PIP5K1A: variants seen among roughly 807,000 people sequenced by gnomAD.
PIP5K1A encodes the protein phosphatidylinositol-4-phosphate 5-kinase type 1 alpha.
A neutral mutation model predicts 72.9 loss-of-function variants in PIP5K1A; 46 were observed. The observed-to-expected ratio is 0.63, with a 90% CI of 0.50 to 0.81. PIP5K1A has a LOEUF of 0.81. Ranked by LOEUF, PIP5K1A falls within the 30% of genes least tolerant of loss-of-function variation. The pLI, the probability that PIP5K1A is intolerant of heterozygous loss-of-function variation, is 0.00. For missense variants in PIP5K1A, 458 were observed against 706.1 expected (o/e 0.65, Z 3.98); for synonymous variants, 228 against 255.1 (o/e 0.89, Z 1.01).
At chr1:151,216,403 T>A (rs587713966) in intron 1 of PIP5K1A, among the ~76,000 whole-genome samples, 4 of 152,150 alleles carry the variant, frequency 2.6e-5, no homozygotes, top group Admixed American at 6.6e-5. Flanking sequence ...TTCATGGTCT[T>A]CTTCTAAGAA....
chr1:151,240,082 G>A, intron 12 of PIP5K1A, 43 bp downstream of exon 12: 1 of 1,397,048 alleles, frequency 7.2e-7, no homozygotes, highest in Admixed American at 1.7e-5. Context: ...CTGCCCAGTG[G>A]CTCCCTTACC....
At chr1:151,235,628 G>A (rs1414238355) in intron 8 of PIP5K1A, among the ~76,000 whole-genome samples, 1 of 152,190 alleles carries the variant, frequency 6.6e-6, no homozygotes, top group African/African-American at 2.4e-5. Context: ...CCACAGATCT[G>A]TTCTGTCACA....
intron 1 of PIP5K1A, among the ~76,000 whole-genome samples, chr1:151,223,277 G>T (rs1570881828): frequency 6.7e-6 from 1 of 150,368 alleles, no homozygotes. Flanking sequence ...CTTGAACTGG[G>T]AGAAGGACGT....
At position 151,234,475 on chromosome 1, in the gene PIP5K1A, G is replaced by A. The variant is rs1690567368; in HGVS notation, c.918G>A (p.Lys306=). The A allele has an allele frequency of 6.2e-7, 1 of 1,614,014 alleles. No individual in the cohort carries two copies. The highest frequency in any genetic ancestry group is 8.5e-7 in the Non-Finnish European group (1 of 1,179,918). ...LDADMYNALC[K]TLQRDCLVLQ... ...CTGACATGTACAACGCTCTCTGTAA[G>A]ACCCTGCAGCGTGACTGTTTGGTGA... The change falls in exon 8 of 16, where the codon AAG becomes AAA. Residue 306 remains lysine, a synonymous_variant. Transcript: ENST00000368888.
intron 4 of PIP5K1A, among the ~76,000 whole-genome samples, chr1:151,227,722 C>CTAAAAGTT (rs1553297355): frequency 2.0e-5 from 3 of 152,070 alleles, no homozygotes; most frequent in Non-Finnish European, 2.9e-5. Context: ...GAAACTCTGT[C>CTAAAAGTT]TCTACTAAAA....
At chr1:151,201,129 C>T (rs1288496460) in intron 1 of PIP5K1A, among the ~76,000 whole-genome samples, 1 of 152,140 alleles carries the variant, frequency 6.6e-6, no homozygotes, top group Admixed American at 6.5e-5. Flanking sequence ...CCACCGTGCC[C>T]CACCTGGGTT....
At chr1:151,203,003 A>T (rs1487618936) in intron 1 of PIP5K1A, among the ~76,000 whole-genome samples, 2 of 152,096 alleles carry the variant, frequency 1.3e-5, no homozygotes, top group Non-Finnish European at 2.9e-5. Flanking sequence ...TCCTGACCTC[A>T]GGTGATCCTC....
upstream of PIP5K1A, chr1:151,198,516 A>T (rs1684747081): frequency 5.1e-6 from 1 of 195,816 alleles, no homozygotes; most frequent in African/African-American, 2.4e-5. Flanking sequence ...GAGTGGGCTG[A>T]TGCCCCGAGA....
chr1:151,205,479 C>T (rs1226140410), intron 1 of PIP5K1A, among the ~76,000 whole-genome samples: 1 of 151,868 alleles, frequency 6.6e-6, no homozygotes, highest in Non-Finnish European at 1.5e-5. Flanking sequence ...CGGCCTCTCT[C>T]CTAGAATTTT....
chr1:151,234,114 G>C lies in PIP5K1A; in HGVS notation c.640-83G>C. 4 of 970,168 alleles carry C rather than the reference G, an allele frequency of 4.1e-6. No individual in the cohort carries two copies. The East Asian group carries it at 9.6e-5, about 23-fold the overall frequency. The allele number at this position is 970,168 out of a possible 1,614,324, so 60.1% of individuals were successfully genotyped here. On this transcript the variant is annotated intron_variant, in intron 7 of 15. Coordinates refer to ENST00000368888, the MANE Select transcript of PIP5K1A (RefSeq NM_001135638.2). ...AATCTCATATAGGAGATAAAGGGAG[G>C]ATGGGTGGTAACTTTTACTGGTGAG... is the stretch of plus-strand genomic sequence containing the variant.
At chr1:151,208,528 T>C (rs1180254362) in intron 1 of PIP5K1A, among the ~76,000 whole-genome samples, 1 of 149,114 alleles carries the variant, frequency 6.7e-6, no homozygotes, top group African/African-American at 2.5e-5. Context: ...GCCCAGCTAA[T>C]TTTTGTATTT....
chr1:151,210,071 AC>A (rs1435365882), intron 1 of PIP5K1A, among the ~76,000 whole-genome samples: 1 of 151,550 alleles, frequency 6.6e-6, no homozygotes, highest in Non-Finnish European at 1.5e-5. Flanking sequence ...TTCAGTAGAG[AC>A]GGGGTTTTGC....
intron 14 of PIP5K1A, among the ~76,000 whole-genome samples, chr1:151,245,959 A>G (rs587771403): frequency 1.3e-5 from 2 of 152,288 alleles, no homozygotes; most frequent in East Asian, 3.9e-4. Flanking sequence ...AACATTTGTT[A>G]TCTCAGTCTG....
chr1:151,221,367 GC>G (rs1490897282), intron 1 of PIP5K1A, among the ~76,000 whole-genome samples: 1 of 152,168 alleles, frequency 6.6e-6, no homozygotes. Flanking sequence ...TTAAAATTGA[GC>G]CAGTGTGGAG....
At position 151,198,744 on chromosome 1, in the gene PIP5K1A, AT is replaced by A; in HGVS notation, c.-252del. 1 of 570,696 alleles carries A rather than the reference AT, an allele frequency of 1.8e-6. No homozygotes were observed. Among genetic ancestry groups the A allele is most frequent in the South Asian group, 2.2e-5 (1 of 46,442 alleles). The allele number at this position is 570,696 out of a possible 1,614,324, so 35.4% of individuals were successfully genotyped here. A position where few individuals can be genotyped will look rare whatever the true frequency, so the allele number is the denominator to read the frequency against. ...TTACTCTTCTGTGAAAGGGGAAAGT[AT>A]CCCCTGTGGAAAGCGGTTAAACTTG... On this transcript the variant is annotated 5_prime_UTR_variant, in exon 1 of 16. Transcript: ENST00000368888.
At chr1:151,205,238 C>T (rs895718764) in intron 1 of PIP5K1A, among the ~76,000 whole-genome samples, 5 of 152,076 alleles carry the variant, frequency 3.3e-5, no homozygotes, top group African/African-American at 7.2e-5. Flanking sequence ...TGCAGTGGTG[C>T]GATCTTGGCT....
At chr1:151,247,285 C>T (rs888791222) in intron 15 of PIP5K1A, among the ~76,000 whole-genome samples, 3 of 151,836 alleles carry the variant, frequency 2.0e-5, no homozygotes, top group East Asian at 3.9e-4. Context: ...CGTGCCACCA[C>T]GCCCGGCTAA....
chr1:151,245,729 T>C (rs1427559606), intron 14 of PIP5K1A, among the ~76,000 whole-genome samples: 1 of 152,030 alleles, frequency 6.6e-6, no homozygotes, highest in East Asian at 1.9e-4. Flanking sequence ...AGAGACGTGG[T>C]TTTGCCATGT....
chr1:151,216,467 C>T (rs1687635859), intron 1 of PIP5K1A, among the ~76,000 whole-genome samples: 2 of 152,034 alleles, frequency 1.3e-5, no homozygotes, highest in Non-Finnish European at 2.9e-5. Context: ...ATCTCACTGC[C>T]CTCTCCAAAA....
Sources: allele counts gnomAD v4.1 joint callset (sites outside exome capture counted in the v4.1 genomes callset), GRCh38; gene constraint gnomAD v4.1.1; transcripts MANE v1.5; gene names NCBI Gene and HGNC (gene_info 2026-07-23, HGNC 2026-07-21).